Variants in UHRF1 observed in about 807,000 individuals in gnomAD.
The protein encoded by UHRF1 is ubiquitin like with PHD and ring finger domains 1.
Under a neutral mutation model 96.5 loss-of-function variants are expected in UHRF1, and 9 were observed. The observed-to-expected ratio is 0.09, with a 90% CI of 0.06 to 0.16. UHRF1 has a LOEUF of 0.16. UHRF1 is among the 10% of genes least tolerant of loss of function. The pLI is 1.00. For synonymous variants in UHRF1, 455 were observed against 469.9 expected, an observed-to-expected ratio of 0.97 and a Z score of 0.41; for missense variants, 626 against 1,131.1, an observed-to-expected ratio of 0.55 and a Z score of 6.40.
At chr19:4,937,849 A>G (rs1294164461) in intron 5 of UHRF1, among the ~76,000 whole-genome samples, 1 of 152,104 alleles carries the variant, frequency 6.6e-6, no homozygotes, top group East Asian at 1.9e-4. Context: ...GGTTTGATAG[A>G]ATTCTTTAAC....
Position 4,941,730 on chromosome 19 carries a change from C to T in UHRF1, c.887-15C>T. On this transcript the variant is annotated splice_polypyrimidine_tract_variant and intron_variant, in intron 6 of 16. Coordinates refer to ENST00000650932, the MANE Select transcript of UHRF1 (RefSeq NM_001048201.3). ...CCGGGCCCCGCCGGAGCTGACCCTGCCGCCCCGTGCCCAGGGAAGAGCGGG... is the reference window on the plus strand; with the variant it reads ...CCGGGCCCCGCCGGAGCTGACCCTGTCGCCCCGTGCCCAGGGAAGAGCGGG... 6.5e-7 allele frequency: 1 copy of T among 1,546,274 alleles called. No individual in the cohort carries two copies. Among genetic ancestry groups the T allele is most frequent in the Non-Finnish European group, 8.7e-7 (1 of 1,144,786 alleles).
At chr19:4,945,993 G>GGGGGGGGGGGGGGGC in intron 10 of UHRF1, 28 bp downstream of exon 10, 1 of 897,256 alleles carries the variant, frequency 1.1e-6, no homozygotes, top group Non-Finnish European at 1.8e-6. Context: ...AGGGGTGGGG[G>GGGGGGGGGGGGGGGC]AGGGTTGCTC....
intron 5 of UHRF1, among the ~76,000 whole-genome samples, chr19:4,938,910 AT>A (rs1218588180): frequency 5.1e-4 from 67 of 131,076 alleles, no homozygotes; most frequent in Non-Finnish European, 4.3e-4. Context: ...TGCCTGACTA[AT>A]TTTTTTTTTT....
intron 5 of UHRF1, 24 bp downstream of exon 5, chr19:4,932,980 G>GC: frequency 6.4e-7 from 1 of 1,571,596 alleles, no homozygotes; most frequent in Non-Finnish European, 8.6e-7. Context: ...CCTGGGGCGA[G>GC]CCCTTCCTCT....
intron 15 of UHRF1, among the ~76,000 whole-genome samples, chr19:4,955,901 C>T (rs2033845383): frequency 6.6e-6 from 1 of 152,040 alleles, no homozygotes; most frequent in African/African-American, 2.4e-5. Context: ...AACTCCCAGG[C>T]CACGCCTATG....
chr19:4,918,455 G>T (rs1276155021), intron 2 of UHRF1, among the ~76,000 whole-genome samples: 1 of 146,330 alleles, frequency 6.8e-6, no homozygotes. Context: ...GTCTTGCTCT[G>T]TCGCCAGGCT....
At chr19:4,939,016 C>T (rs890204484) in intron 5 of UHRF1, among the ~76,000 whole-genome samples, 28 of 151,632 alleles carry the variant, frequency 1.8e-4, no homozygotes, top group African/African-American at 6.3e-4. Flanking sequence ...CGGGTTCAAG[C>T]GATTCTCCTG....
intron 1 of UHRF1, 84 bp from the exon 2 acceptor site, chr19:4,910,792 A>C: frequency 6.8e-7 from 1 of 1,466,834 alleles, no homozygotes; most frequent in Non-Finnish European, 9.1e-7. Context: ...AGGCCGGACA[A>C]AAGCAACCCC....
In UHRF1 at chr19:4,924,294, T is replaced by C. The variant is rs185498171; in HGVS notation, c.154-4928T>C. ...CCTCCCGAGTAGCTGGGACTACAGG[T>C]GCCCGCCACCACGCCTGGCTAATTT... On this transcript the variant is annotated intron_variant, in intron 2 of 16. Transcript: ENST00000650932. Among the ~76,000 whole-genome samples, 1,142 of 151,838 alleles carry C rather than the reference T, an allele frequency of 7.5e-3. 20 individuals carry two copies. The highest frequency in any genetic ancestry group is 0.024 in the Middle Eastern group (7 of 294).
rs1194629885 is a variant in UHRF1, at chr19:4,945,853, A to T, written c.1306-8A>T. On this transcript the variant is annotated splice_region_variant and splice_polypyrimidine_tract_variant and intron_variant, in intron 9 of 16. Transcript: ENST00000650932. ...AGGACACCATGTATATCTTGGTGGCATCCTCAGGTCAGCGAGTCGGGTGTC... is the reference window on the plus strand; with the variant it reads ...AGGACACCATGTATATCTTGGTGGCTTCCTCAGGTCAGCGAGTCGGGTGTC... The T allele has an allele frequency of 1.2e-6, 2 of 1,602,240 alleles. No homozygotes were observed. The highest frequency in any genetic ancestry group is 2.3e-5 in the South Asian group (2 of 88,862).
rs755209746 is a variant in UHRF1 at position 4,954,831 on chromosome 19, G to A, written c.2130+9G>A. 100 of 1,612,192 alleles carry A rather than the reference G, an allele frequency of 6.2e-5. No homozygotes were observed. The highest frequency in any genetic ancestry group is 7.5e-5 in the Non-Finnish European group (89 of 1,179,202). On this transcript the variant is annotated intron_variant, in intron 15 of 16. Coordinates refer to ENST00000650932, the MANE Select transcript of UHRF1 (RefSeq NM_001048201.3). This position sits in a 1 kb window ranked among gnomAD's most constrained non-coding sequence, Gnocchi z 5.9. ...CGGCGAGCGGCAGCCCGGTAGGCTC[G>A]CACGGCTCACTCGTCGCCCTGATTT...
At chr19:4,922,051 A>G (rs1350560181) in intron 2 of UHRF1, among the ~76,000 whole-genome samples, 1 of 151,966 alleles carries the variant, frequency 6.6e-6, no homozygotes, top group African/African-American at 2.4e-5. Context: ...GGTTCAAGCT[A>G]TTCTCCTGCC....
At chr19:4,946,315 G>A (rs1338752803) in intron 10 of UHRF1, among the ~76,000 whole-genome samples, 1 of 152,050 alleles carries the variant, frequency 6.6e-6, no homozygotes, top group African/African-American at 2.4e-5. Flanking sequence ...CACTGAGCCC[G>A]ACGTCCTTGC....
At chr19:4,916,595 C>T (rs1361836283) in intron 2 of UHRF1, among the ~76,000 whole-genome samples, 3 of 152,140 alleles carry the variant, frequency 2.0e-5, no homozygotes, top group Non-Finnish European at 4.4e-5. Flanking sequence ...GTCACTAGCC[C>T]TCCACCCGTC....
chr19:4,947,328 C>T (rs547724834), intron 11 of UHRF1, 117 bp downstream of exon 11: 30 of 926,154 alleles, frequency 3.2e-5, no homozygotes, highest in East Asian at 5.2e-5. Context: ...TAGAACATAG[C>T]GAAGCCTGGC....
rs777166785 is a variant in UHRF1, at chr19:4,950,960, G to A, written c.1782G>A (p.Gly594=). The A allele has an allele frequency of 6.2e-7, 1 of 1,612,038 alleles. No homozygotes were observed. Among genetic ancestry groups the A allele is most frequent in the Non-Finnish European group, 8.5e-7 (1 of 1,179,754 alleles). ...AGCCTGGCCCTTGGACGAAGGAGGG[G>A]AAGGACCGGATCAAGAAGCTGGGGC... ...DDEPGPWTKE[G]KDRIKKLGLT... is the part of the protein sequence containing the mutation. The change falls in exon 13 of 17, where the codon GGG becomes GGA. Residue 594 remains glycine, a synonymous_variant. Coordinates refer to ENST00000650932, the MANE Select transcript of UHRF1 (RefSeq NM_001048201.3).
In UHRF1 at chr19:4,960,789, G is replaced by A. The variant is rs1430442904; in HGVS notation, c.2368G>A (p.Gly790Ser). Residue 790 changes from glycine (G) to serine (S), a missense_variant, in exon 17 of 17, where the codon GGC (glycine) becomes AGC (serine). Gly to Ser is a moderately conservative substitution (Grantham distance 56). This residue lies in a region of UHRF1 where 84 missense variants were observed against 150.3 expected (regional missense o/e 0.56). Coordinates refer to ENST00000650932, the MANE Select transcript of UHRF1 (RefSeq NM_001048201.3). ...TVLNQLFPGY[G>S]NGR ...CCTCAACCAGCTCTTCCCCGGCTAC[G>A]GCAATGGCCGGTGATCTCCAAGCAC... The A allele has an allele frequency of 1.3e-6, 2 of 1,550,686 alleles. No homozygotes were observed. The highest frequency in any genetic ancestry group is 1.8e-6 in the Non-Finnish European group (2 of 1,137,720).
chr19:4,924,067 A>G lies in UHRF1; in HGVS notation c.154-5155A>G, dbSNP rs542722616. On this transcript the variant is annotated intron_variant, in intron 2 of 16. Transcript: ENST00000650932. ...CTGCAACCTCCACCTCCCAGGTTCA[A>G]ATGATTCTGTTGCCTTAGCCTCTTG... is the stretch of plus-strand genomic sequence containing the variant. Among the ~76,000 whole-genome samples the G allele has an allele frequency of 3.2e-4, 49 of 152,292 alleles. No homozygotes were observed. The South Asian group carries it at 0.01, about 32-fold the overall frequency.
intron 7 of UHRF1, among the ~76,000 whole-genome samples, chr19:4,943,903 G>C (rs898686723): frequency 2.0e-5 from 3 of 152,102 alleles, no homozygotes; most frequent in Admixed American, 1.3e-4. Context: ...TGCCCGCCTC[G>C]GCCTCCCAAA....
Sources: gnomAD v4.1 joint callset for allele counts (sites outside exome capture counted in the v4.1 genomes callset) on GRCh38, gnomAD v4.1.1 for gene constraint, gnomAD v4.1.1 regional missense constraint, Gnocchi (gnomAD v3.1) non-coding constraint, MANE v1.5 for transcripts, NCBI Gene and HGNC (gene_info 2026-07-23, HGNC 2026-07-21) for gene names.